The following MAPK10 variants were observed in gnomAD, a reference collection of about 807,000 sequenced individuals.
The protein encoded by MAPK10 is JNK3 alpha protein kinase.
In MAPK10, 25 loss-of-function variants were observed where a neutral mutation model predicts 59.3. The observed-to-expected ratio is 0.42, with a 90% confidence interval of 0.31 to 0.59. The LOEUF (loss-of-function observed/expected upper bound fraction) is 0.59. Ranked by LOEUF, MAPK10 falls within the 20% of genes least tolerant of loss-of-function variation. The probability of loss-of-function intolerance (pLI) is 0.15; values close to 1 mark genes in which losing one functional copy is unlikely to be tolerated. For missense variants in MAPK10, 351 were observed against 568.9 expected (o/e 0.62, Z 3.90); for synonymous variants, 190 against 200.5 (o/e 0.95, Z 0.44).
chr4:86,580,990 C>A (rs1382813371), intron 1 of MAPK10, among the ~76,000 whole-genome samples: 2 of 152,132 alleles, frequency 1.3e-5, no homozygotes, highest in African/African-American at 4.8e-5. Context: ...GAGTGCAAAG[C>A]CTACCCTAAT....
intron 1 of MAPK10, among the ~76,000 whole-genome samples, chr4:86,391,832 C>T (rs1402338046): frequency 6.6e-6 from 1 of 152,206 alleles, no homozygotes; most frequent in Non-Finnish European, 1.5e-5. Flanking sequence ...TTACTTCCTT[C>T]CAGGACAAAT....
At chr4:86,542,921 G>A (rs765908806) in intron 1 of MAPK10, among the ~76,000 whole-genome samples, 26 of 152,110 alleles carry the variant, frequency 1.7e-4, no homozygotes, top group Admixed American at 6.5e-5. Flanking sequence ...GCTTGTCGCT[G>A]GCATCAGCCC....
chr4:86,203,118 G>T (rs2083020494), intron 2 of MAPK10, among the ~76,000 whole-genome samples: 1 of 151,822 alleles, frequency 6.6e-6, no homozygotes, highest in Non-Finnish European at 1.5e-5. Flanking sequence ...AGAAGGAGAT[G>T]CTAATTTAGG....
intron 2 of MAPK10, among the ~76,000 whole-genome samples, chr4:86,283,946 T>A (rs2094911842): frequency 5.3e-5 from 8 of 152,304 alleles, no homozygotes; most frequent in Admixed American, 5.2e-4. Context: ...AACCTGAGAA[T>A]GTTCTTGAAG....
intron 2 of MAPK10, among the ~76,000 whole-genome samples, chr4:86,207,856 A>T (rs1176635582): frequency 1.3e-5 from 2 of 151,860 alleles, no homozygotes; most frequent in Non-Finnish European, 2.9e-5. Context: ...TTTGTCTGTT[A>T]TTCGTGTATA....
chr4:86,137,900 C>T (rs1365744518), intron 4 of MAPK10, among the ~76,000 whole-genome samples: 3 of 148,832 alleles, frequency 2.0e-5, no homozygotes, highest in African/African-American at 7.5e-5. Context: ...GAGAATACTA[C>T]AAACACCTCT....
chr4:86,406,412 T>C (rs1744371119), intron 1 of MAPK10, among the ~76,000 whole-genome samples: 1 of 152,190 alleles, frequency 6.6e-6, no homozygotes, highest in Non-Finnish European at 1.5e-5. Context: ...CAACCCTTTA[T>C]GTTAAATACT....
chr4:86,214,622 T>C (rs535759629), intron 2 of MAPK10, among the ~76,000 whole-genome samples: 1 of 148,370 alleles, frequency 6.7e-6, no homozygotes, highest in African/African-American at 2.5e-5. Context: ...ACACTAACAA[T>C]GAACAATCTG....
chr4:86,442,837 T>C (rs889632343), intron 1 of MAPK10, among the ~76,000 whole-genome samples: 8 of 152,334 alleles, frequency 5.3e-5, no homozygotes, highest in Admixed American at 5.2e-4. Flanking sequence ...GATTTTTCAA[T>C]ATTTTAATAA....
At chr4:86,247,279 A>G (rs1319582015) in intron 2 of MAPK10, among the ~76,000 whole-genome samples, 1 of 152,208 alleles carries the variant, frequency 6.6e-6, no homozygotes, top group East Asian at 1.9e-4. Context: ...CTTCTACTCA[A>G]AAGCATCCTG....
At position 86,337,333 on chromosome 4, in the gene MAPK10, G is replaced by A. The variant is rs142546072; in HGVS notation, c.-7+17197C>T. On this transcript the variant is annotated intron_variant, in intron 2 of 13. Transcript: ENST00000641462. ...TGATTTTCTGCACTAATGATAAGAG[G>A]TTGGTGGTCACCTTGATCAATAAGG... Among the ~76,000 whole-genome samples the A allele has an allele frequency of 2.8e-3, 433 of 152,290 alleles. 2 individuals are homozygous for A. Among genetic ancestry groups the A allele is most frequent in the African/African-American group, 9.7e-3 (404 of 41,556 alleles).
chr4:86,393,210 A>G (rs1466650168), intron 1 of MAPK10, among the ~76,000 whole-genome samples: 5 of 152,224 alleles, frequency 3.3e-5, no homozygotes, highest in Non-Finnish European at 7.3e-5. Flanking sequence ...CATAACTTCA[A>G]TTAGAAGGTT....
chr4:86,489,376 A>G (rs1194810817), intron 1 of MAPK10, among the ~76,000 whole-genome samples: 1 of 151,510 alleles, frequency 6.6e-6, no homozygotes, highest in East Asian at 1.9e-4. Flanking sequence ...AGTGTCACCC[A>G]CTCCCCACCG....
chr4:86,174,138 T>C (rs1253554263), intron 3 of MAPK10, among the ~76,000 whole-genome samples: 1 of 151,668 alleles, frequency 6.6e-6, no homozygotes, highest in African/African-American at 2.4e-5. Flanking sequence ...CCCAAAGTAA[T>C]ATAAATAATT....
At chr4:86,426,807 C>A (rs1747340957) in intron 1 of MAPK10, among the ~76,000 whole-genome samples, 1 of 152,022 alleles carries the variant, frequency 6.6e-6, no homozygotes. Flanking sequence ...TAGTACCTAC[C>A]TCATATTTCA....
intron 3 of MAPK10, among the ~76,000 whole-genome samples, chr4:86,174,332 A>G (rs142316903): frequency 0.011 from 1,743 of 152,302 alleles, 34 homozygotes; most frequent in African/African-American, 0.04. Flanking sequence ...ACATGCATGA[A>G]GCTGGAAGCC....
chr4:86,095,629 G>A (rs919641918), intron 9 of MAPK10: 3 of 151,808 alleles, frequency 2.0e-5, no homozygotes, highest in East Asian at 1.9e-4. Context: ...TTCTTCTGCC[G>A]ATAAATAACT....
At chr4:86,492,217 G>A (rs1158001331) in intron 1 of MAPK10, among the ~76,000 whole-genome samples, 1 of 152,156 alleles carries the variant, frequency 6.6e-6, no homozygotes, top group South Asian at 2.1e-4. Context: ...TTACCCAGAA[G>A]GTAGGTCTCG....
intron 1 of MAPK10, among the ~76,000 whole-genome samples, chr4:86,384,573 G>A (rs1741213347): frequency 6.6e-6 from 1 of 152,120 alleles, no homozygotes; most frequent in South Asian, 2.1e-4. Flanking sequence ...AGTCTAGGTG[G>A]AAACAGTGGA....
Sources: allele counts gnomAD v4.1 joint callset (sites outside exome capture counted in the v4.1 genomes callset), GRCh38; gene constraint gnomAD v4.1.1; transcripts MANE v1.5; gene names NCBI Gene and HGNC (gene_info 2026-07-23, HGNC 2026-07-21).